Variants in PTPRN2 observed in about 807,000 individuals in gnomAD.
The protein encoded by PTPRN2 is protein tyrosine phosphatase receptor type N2.
A neutral mutation model predicts 118.8 loss-of-function variants in PTPRN2; 74 were observed. The observed-to-expected ratio is 0.62, with a 90% CI of 0.52 to 0.76. The LOEUF is 0.76. Among genes scored for constraint, PTPRN2 ranks in the 30% least tolerant of loss-of-function variants. The pLI is 0.00. For missense variants in PTPRN2, 1,481 were observed against 1,394.4 expected (o/e 1.06, Z -0.99); for synonymous variants, 641 against 608.0 (o/e 1.05, Z -0.80).
rs1810946611 is a variant in PTPRN2, at chr7:157,869,894, G to T, written c.1788+28779C>A. ...CCTCCAGAAAGTCAACATGCAAAAT[G>T]CCTTGAGCATCCCAACATCTACTGC... On this transcript the variant is annotated intron_variant, in intron 12 of 22. Coordinates refer to ENST00000389418, the MANE Select transcript of PTPRN2 (RefSeq NM_002847.5). The surrounding 1 kb of genome is among the most constrained non-coding windows in gnomAD (Gnocchi z 4.2). 6.6e-6 allele frequency among the ~76,000 whole-genome samples: 1 copy of T among 152,112 alleles called. No individual in the cohort carries two copies. The highest frequency in any genetic ancestry group is 1.5e-5 in the Non-Finnish European group (1 of 68,028).
At chr7:158,161,717 A>C (rs1442073921) in intron 6 of PTPRN2, among the ~76,000 whole-genome samples, 1 of 152,210 alleles carries the variant, frequency 6.6e-6, no homozygotes, top group Non-Finnish European at 1.5e-5. Flanking sequence ...TCCATGAATA[A>C]AATAATTGGT....
At chr7:158,296,851 G>C (rs566118153) in intron 3 of PTPRN2, among the ~76,000 whole-genome samples, 134 of 152,368 alleles carry the variant, frequency 8.8e-4, no homozygotes, top group Non-Finnish European at 1.7e-3. Flanking sequence ...CATGTAGGCT[G>C]TGGTCACAGA....
intron 11 of PTPRN2, among the ~76,000 whole-genome samples, chr7:157,931,292 GAATT>G (rs887951976): frequency 5.3e-5 from 8 of 152,242 alleles, no homozygotes; most frequent in Admixed American, 4.6e-4. Context: ...TTGCTAATAA[GAATT>G]AATTGTGACT....
rs184930738 is a variant in PTPRN2, at chr7:157,621,644, C to G, written c.2197-135G>C. On this transcript the variant is annotated intron_variant, in intron 14 of 22. Transcript: ENST00000389418. Reference sequence around the variant, plus strand: ...TTGCTCACGAGCCTGGGCCATGGTGCGACGTTGTGCTACGGTGCACAATGC... The same window carrying G: ...TTGCTCACGAGCCTGGGCCATGGTGGGACGTTGTGCTACGGTGCACAATGC... 2.5e-4 allele frequency: 278 copies of G among 1,093,984 alleles called. 1 individual carries two copies. The African/African-American group carries it at 3.9e-3, about 15-fold the overall frequency. The allele number at this position is 1,093,984 out of a possible 1,614,324, so 67.8% of individuals were successfully genotyped here. A position where few individuals can be genotyped will look rare whatever the true frequency, so the allele number is the denominator to read the frequency against.
At chr7:157,775,901 C>T (rs1417727957) in intron 12 of PTPRN2, among the ~76,000 whole-genome samples, 5 of 152,072 alleles carry the variant, frequency 3.3e-5, no homozygotes, top group Non-Finnish European at 7.4e-5. Context: ...GCCGCTGTCT[C>T]TGTGATGCTA....
At chr7:158,556,371 T>C (rs2129450543) in intron 1 of PTPRN2, among the ~76,000 whole-genome samples, 1 of 152,070 alleles carries the variant, frequency 6.6e-6, no homozygotes, top group East Asian at 1.9e-4. Flanking sequence ...CTGGGCAACA[T>C]AGTGAAACTA....
chr7:157,891,945 C>T (rs570376594), intron 12 of PTPRN2, among the ~76,000 whole-genome samples: 50 of 152,334 alleles, frequency 3.3e-4, no homozygotes, highest in African/African-American at 1.2e-3. Context: ...CTCTTCCCCT[C>T]AGCTTCTTCT....
At chr7:157,754,112 G>A (rs1463546454) in intron 12 of PTPRN2, among the ~76,000 whole-genome samples, 1 of 152,236 alleles carries the variant, frequency 6.6e-6, no homozygotes, top group Non-Finnish European at 1.5e-5. Context: ...CGAGGAGTTG[G>A]GGTGTGAAAA....
intron 5 of PTPRN2, among the ~76,000 whole-genome samples, chr7:158,181,698 A>AT (rs1824721985): frequency 6.6e-6 from 1 of 152,078 alleles, no homozygotes; most frequent in Admixed American, 6.5e-5. Context: ...ATATTCGTGT[A>AT]TTCATTTCTT....
intron 4 of PTPRN2, among the ~76,000 whole-genome samples, chr7:158,194,098 A>C (rs1391393196): frequency 2.0e-5 from 3 of 151,866 alleles, no homozygotes; most frequent in African/African-American, 7.3e-5. Context: ...ACAACAACAA[A>C]AAAAGTGTGT....
intron 2 of PTPRN2, among the ~76,000 whole-genome samples, chr7:158,376,034 C>T (rs1303195680): frequency 6.6e-6 from 1 of 152,174 alleles, no homozygotes; most frequent in Non-Finnish European, 1.5e-5. Flanking sequence ...AATACTTAAG[C>T]CATCTGTGGG....
At chr7:157,804,576 G>T (rs1455395052) in intron 12 of PTPRN2, among the ~76,000 whole-genome samples, 1 of 148,950 alleles carries the variant, frequency 6.7e-6, no homozygotes, top group Non-Finnish European at 1.5e-5. Flanking sequence ...AGAATGCCAA[G>T]GTCCCAGCCA....
At chr7:158,488,789 G>A (rs920949270) in intron 2 of PTPRN2, among the ~76,000 whole-genome samples, 1 of 152,278 alleles carries the variant, frequency 6.6e-6, no homozygotes, top group Non-Finnish European at 1.5e-5. Context: ...TCTGAGGACA[G>A]ATGCGCAGGG....
chr7:158,105,801 A>G (rs1054966430), intron 10 of PTPRN2, among the ~76,000 whole-genome samples: 3 of 150,978 alleles, frequency 2.0e-5, no homozygotes, highest in African/African-American at 4.9e-5. Flanking sequence ...ATCTCCATCA[A>G]TTTCCATCCT....
At chr7:158,274,912 G>A (rs1012555074) in intron 3 of PTPRN2, among the ~76,000 whole-genome samples, 3 of 152,200 alleles carry the variant, frequency 2.0e-5, no homozygotes, top group Admixed American at 2.0e-4. Context: ...TCAGGGATAA[G>A]ATCTCGACAA....
chr7:158,364,875 C>T (rs372458987), intron 2 of PTPRN2, among the ~76,000 whole-genome samples: 4 of 152,166 alleles, frequency 2.6e-5, no homozygotes, highest in African/African-American at 4.8e-5. Context: ...AAAGAAATAA[C>T]GGAACGGCAT....
At chr7:158,380,209 T>A (rs1441392258) in intron 2 of PTPRN2, among the ~76,000 whole-genome samples, 1 of 152,182 alleles carries the variant, frequency 6.6e-6, no homozygotes, top group Admixed American at 6.5e-5. Context: ...CCCCAAAGTC[T>A]TAACTCATTT....
In PTPRN2 at chr7:158,044,651, G is replaced by C. The variant is rs537822069; in HGVS notation, c.1723+36647C>G. Among the ~76,000 whole-genome samples the C allele has an allele frequency of 2.6e-5, 4 of 152,192 alleles. No individual in the cohort carries two copies. The East Asian group carries it at 7.8e-4, about 30-fold the overall frequency. ...GGACAGGCTGCAGGAGGCCACAGGG[G>C]ACAAGGAGAACCCGTGCTGAAGAGA... On this transcript the variant is annotated intron_variant, in intron 11 of 22. Coordinates refer to ENST00000389418, the MANE Select transcript of PTPRN2 (RefSeq NM_002847.5).
At position 157,987,696 on chromosome 7, in the gene PTPRN2, C is replaced by T. The variant is rs996953778; in HGVS notation, c.1724-88959G>A. On this transcript the variant is annotated intron_variant, in intron 11 of 22. Transcript: ENST00000389418. This position sits in a 1 kb window ranked among gnomAD's most constrained non-coding sequence, Gnocchi z 4.3. ...TGTCCTAAATGCTATCAGTCTTTCT[C>T]TAGAGATGGGGCAGTTATTATGCAG... Among the ~76,000 whole-genome samples, 6 of 152,180 alleles carry T rather than the reference C, an allele frequency of 3.9e-5. No homozygotes were observed. Among genetic ancestry groups the T allele is most frequent in the African/African-American group, 1.4e-4 (6 of 41,436 alleles).
Sources: allele counts gnomAD v4.1 joint callset (sites outside exome capture counted in the v4.1 genomes callset), GRCh38; gene constraint gnomAD v4.1.1; non-coding constraint Gnocchi (gnomAD v3.1); transcripts MANE v1.5; gene names NCBI Gene and HGNC (gene_info 2026-07-23, HGNC 2026-07-21).